Variants in NDST1 observed in about 807,000 individuals in gnomAD.
NDST1 encodes the protein bifunctional heparan sulfate N-deacetylase/N-sulfotransferase 1.
Under a neutral mutation model 92.8 loss-of-function variants are expected in NDST1, and 35 were observed. That is an observed-to-expected ratio of 0.38 (90% CI 0.29 to 0.50). NDST1 has a LOEUF of 0.50. Ranked by LOEUF, NDST1 falls within the 20% of genes least tolerant of loss-of-function variation. The pLI is 0.94. For missense variants in NDST1, 822 were observed against 1,182.7 expected, an observed-to-expected ratio of 0.69 and a Z score of 4.47; for synonymous variants, 493 against 500.3, an observed-to-expected ratio of 0.99 and a Z score of 0.19.
rs756426391 is a variant in NDST1 at position 150,551,843 on chromosome 5, G to C, written c.2517G>C (p.Glu839Asp). 4.3e-6 allele frequency: 7 copies of C among 1,613,216 alleles called. No homozygotes were observed. Among genetic ancestry groups the C allele is most frequent in the Non-Finnish European group, 5.9e-6 (7 of 1,179,270 alleles). ...LGKSKGRKYP[E>D]MDLDSRAFLK... ...AAAGCAAGGGCCGGAAATATCCCGA[G>C]ATGGACTTGGATGTAAGTGGTGGAC... The change falls in exon 14 of 15, where the codon GAG becomes GAC. Residue 839 changes from glutamate to aspartate, a missense_variant. Physicochemically the swap from Glu to Asp is conservative, Grantham distance 45. Coordinates refer to ENST00000261797, the MANE Select transcript of NDST1 (RefSeq NM_001543.5).
Position 150,545,293 on chromosome 5 carries a change from C to T in NDST1, c.1971-19C>T. 1.2e-6 allele frequency: 2 copies of T among 1,614,150 alleles called. No homozygotes were observed. Among genetic ancestry groups the T allele is most frequent in the Non-Finnish European group, 1.7e-6 (2 of 1,180,012 alleles). ...CTCATGAGTTTTGTCTGTGAGCCGCCTCTCTGGGCTTCCTGCAGGTACATG... is the reference window on the plus strand; with the variant it reads ...CTCATGAGTTTTGTCTGTGAGCCGCTTCTCTGGGCTTCCTGCAGGTACATG... On this transcript the variant is annotated intron_variant, in intron 10 of 14. Transcript: ENST00000261797.
In NDST1 at chr5:150,539,266, C is replaced by T. The variant is rs1755135366; in HGVS notation, c.1476C>T (p.Thr492=). The T allele has an allele frequency of 6.2e-7, 1 of 1,614,182 alleles. No individual in the cohort carries two copies. The highest frequency in any genetic ancestry group is 8.5e-7 in the Non-Finnish European group (1 of 1,180,038). ...PRQTCGLFTH[T]IFYNEYPGGS... The stretch of plus-strand genomic sequence containing the variant: ...AGACCTGCGGCCTCTTCACACACAC[C>T]ATCTTCTACAACGAGTACCCTGGCG... The change falls in exon 7 of 15, where the codon ACC becomes ACT. Residue 492 remains threonine, a synonymous_variant. Coordinates refer to ENST00000261797, the MANE Select transcript of NDST1 (RefSeq NM_001543.5).
chr5:150,511,732 G>T (rs955073850), intron 1 of NDST1, among the ~76,000 whole-genome samples: 1 of 152,154 alleles, frequency 6.6e-6, no homozygotes, highest in Non-Finnish European at 1.5e-5. Flanking sequence ...CAGCACTGTG[G>T]GGGTGATGGG....
intron 12 of NDST1, among the ~76,000 whole-genome samples, chr5:150,549,306 C>T (rs1195210970): frequency 6.6e-6 from 1 of 152,366 alleles, no homozygotes. Flanking sequence ...GCCACCGTGC[C>T]CGGCCATGCC....
At chr5:150,509,812 A>G (rs1753637034) in intron 1 of NDST1, among the ~76,000 whole-genome samples, 1 of 152,132 alleles carries the variant, frequency 6.6e-6, no homozygotes, top group Non-Finnish European at 1.5e-5. Context: ...CCGAGCCGCC[A>G]TCCCCCTTTC....
chr5:150,539,573 C>T (rs561683822), intron 7 of NDST1: 4 of 1,412,866 alleles, frequency 2.8e-6, no homozygotes, highest in Non-Finnish European at 3.7e-6. Flanking sequence ...TAATCATGTA[C>T]TTTAATACAA....
At chr5:150,535,050 G>A (rs780736373) in intron 5 of NDST1, 29 bp downstream of exon 5, 18 of 1,602,378 alleles carry the variant, frequency 1.1e-5, no homozygotes, top group Middle Eastern at 1.6e-4. Flanking sequence ...AGGGCAGAGC[G>A]GGGCGGGCTA....
At chr5:150,506,728 G>T (rs1255330388), upstream of NDST1, among the ~76,000 whole-genome samples, 1 of 151,516 alleles carries the variant, frequency 6.6e-6, no homozygotes, top group African/African-American at 2.4e-5. Flanking sequence ...GCGCCTCCAT[G>T]TAAGTACTTT....
intron 6 of NDST1, among the ~76,000 whole-genome samples, chr5:150,537,366 A>C (rs1257142173): frequency 6.6e-6 from 1 of 152,246 alleles, no homozygotes; most frequent in Non-Finnish European, 1.5e-5. Flanking sequence ...AATATCGCTG[A>C]ATTCTTTTTC....
intron 1 of NDST1, among the ~76,000 whole-genome samples, chr5:150,509,828 T>C (rs536972297): frequency 5.3e-5 from 8 of 152,254 alleles, no homozygotes; most frequent in Non-Finnish European, 8.8e-5. Flanking sequence ...CTTTCTTATA[T>C]TGGGGTGTCT....
At chr5:150,548,782 T>C (rs3097829) in intron 12 of NDST1, among the ~76,000 whole-genome samples, 52,329 of 151,806 alleles carry the variant, frequency 0.34, 10,978 homozygotes, top group African/African-American at 0.59. Flanking sequence ...AGTCCTCCCT[T>C]GGTCTTCCAA....
Position 150,535,167 on chromosome 5 carries a change from T to TA in NDST1, c.1251+147dup, listed in dbSNP as rs548437195. On this transcript the variant is annotated intron_variant, in intron 5 of 14. Coordinates refer to ENST00000261797, the MANE Select transcript of NDST1 (RefSeq NM_001543.5). ...GCCAGGGCCAAGGGAGAGCTGCCTTTATAGCCACTGTCTCCTTGAAGCCCC... is the reference window on the plus strand; with the variant it reads ...GCCAGGGCCAAGGGAGAGCTGCCTTTAATAGCCACTGTCTCCTTGAAGCCCC... 70 of 1,326,822 alleles carry TA rather than the reference T, an allele frequency of 5.3e-5. No homozygotes were observed. In the African/African-American group the frequency reaches 9.3e-4, roughly 18 times the overall value. The allele number at this position is 1,326,822 out of a possible 1,614,324, so 82.2% of individuals were successfully genotyped here. A position where few individuals can be genotyped will look rare whatever the true frequency, so the allele number is the denominator to read the frequency against.
In NDST1 at chr5:150,528,210, C is replaced by T. The variant is rs1308463686; in HGVS notation, c.920C>T (p.Ser307Phe). 6.2e-7 allele frequency: 1 copy of T among 1,614,176 alleles called. No homozygotes were observed. Among genetic ancestry groups the T allele is most frequent in the South Asian group, 1.1e-5 (1 of 91,076 alleles). ...GCCTTCCTCACGGGGAAGCGCCTCT[C>T]CCTGCCATTGGACCGCTACATCCTG... ...AVAFLTGKRLSLPLDRYILVD... is the reference protein window; with the variant it reads ...AVAFLTGKRLFLPLDRYILVD... Residue 307 changes from serine to phenylalanine, a missense_variant, in exon 3 of 15, where the codon TCC (serine) becomes TTC (phenylalanine). Transcript: ENST00000261797.
chr5:150,552,831 C>T (rs1261363352), intron 14 of NDST1, among the ~76,000 whole-genome samples: 2 of 152,020 alleles, frequency 1.3e-5, no homozygotes, highest in Non-Finnish European at 2.9e-5. Context: ...GTGCCAGCAG[C>T]ATGGTGGGTT....
At position 150,528,282 on chromosome 5, in the gene NDST1, A is replaced by T. The variant is rs2151278881; in HGVS notation, c.992A>T (p.Lys331Met). 6.2e-7 allele frequency: 1 copy of T among 1,600,590 alleles called. No individual in the cohort carries two copies. Among genetic ancestry groups the T allele is most frequent in the East Asian group, 2.2e-5 (1 of 44,566 alleles). ...IFVGKEGTRM[K>M]VEDVKALFDT... is the part of the protein sequence containing the mutation. ...GTGGGCAAGGAGGGCACACGCATGA[A>T]GGTGGAGGACGTGAAGGTATGGCCG... The change falls in exon 3 of 15, where the codon AAG (lysine) becomes ATG (methionine). Residue 331 changes from lysine (K) to methionine (M), a missense_variant. By Grantham distance (95) the Lys-to-Met change is moderately conservative. Coordinates refer to ENST00000261797, the MANE Select transcript of NDST1 (RefSeq NM_001543.5).
chr5:150,521,820 T>A lies in NDST1; in HGVS notation c.513+53T>A, dbSNP rs1036064699. ...GTTCAGAGCCCCCTCTGCAGCTCAG[T>A]GCCTGAATTCTCATTTGTGAAATAG... On this transcript the variant is annotated intron_variant, in intron 2 of 14. Coordinates refer to ENST00000261797, the MANE Select transcript of NDST1 (RefSeq NM_001543.5). This position sits in a 1 kb window ranked among gnomAD's most constrained non-coding sequence, Gnocchi z 5.9. The A allele has an allele frequency of 4.4e-6, 7 of 1,603,528 alleles. No homozygotes were observed. Among genetic ancestry groups the A allele is most frequent in the Non-Finnish European group, 5.9e-6 (7 of 1,178,698 alleles).
chr5:150,528,481 G>A (rs540300028), intron 3 of NDST1, among the ~76,000 whole-genome samples, 183 bp downstream of exon 3: 2 of 152,306 alleles, frequency 1.3e-5, no homozygotes, highest in Admixed American at 6.5e-5. Flanking sequence ...TTAGAAGCAA[G>A]TATCATTTAA....
chr5:150,509,925 G>A lies in NDST1; in HGVS notation c.-388+1699G>A, dbSNP rs145225996. Among the ~76,000 whole-genome samples the A allele has an allele frequency of 8.3e-3, 1,270 of 152,294 alleles. 5 individuals are homozygous for A. Among genetic ancestry groups the A allele is most frequent in the Non-Finnish European group, 0.013 (915 of 68,014 alleles). Reference sequence around the variant, plus strand: ...TCTGCAGTGCAGGCTTTCCCAGGAGGCTGAAGCTCAGCTAGAGAAGCTGGG... The same window carrying A: ...TCTGCAGTGCAGGCTTTCCCAGGAGACTGAAGCTCAGCTAGAGAAGCTGGG... On this transcript the variant is annotated intron_variant, in intron 1 of 14. Transcript: ENST00000261797.
intron 5 of NDST1, chr5:150,535,397 GA>G: frequency 1.0e-6 from 1 of 985,318 alleles, no homozygotes; most frequent in Non-Finnish European, 1.2e-6. Flanking sequence ...GAGAAGGTAG[GA>G]AAGGCCCTCG....
Sources: gnomAD v4.1 joint callset for allele counts (sites outside exome capture counted in the v4.1 genomes callset) on GRCh38, gnomAD v4.1.1 for gene constraint, Gnocchi (gnomAD v3.1) non-coding constraint, MANE v1.5 for transcripts, NCBI Gene and HGNC (gene_info 2026-07-23, HGNC 2026-07-21) for gene names.